SUMF1: variants seen among roughly 807,000 people sequenced by gnomAD.
SUMF1 encodes sulfatase modifying factor 1, also known as formylglycine-generating enzyme.
SUMF1 carries 48 observed loss-of-function variants against 47.6 expected under a neutral mutation model. That is an observed-to-expected ratio of 1.01 (90% CI 0.80 to 1.28). SUMF1 has a LOEUF of 1.28. SUMF1 is among the 50% of genes most tolerant of loss of function. The pLI, the probability that SUMF1 is intolerant of heterozygous loss-of-function variation, is 0.00. For synonymous variants in SUMF1, 230 were observed against 192.1 expected (o/e 1.20, Z -1.63); for missense variants, 571 against 485.4 (o/e 1.18, Z -1.66).
At position 4,043,067 on chromosome 3, in the gene SUMF1, C is replaced by T. The variant is rs150107256; in HGVS notation, c.1191+25502G>A. Among the ~76,000 whole-genome samples, 580 of 152,230 alleles carry T rather than the reference C, an allele frequency of 3.8e-3. 4 individuals carry two copies. Among genetic ancestry groups the T allele is most frequent in the South Asian group, 0.023 (113 of 4,818 alleles). On this transcript the variant is annotated intron_variant and NMD_transcript_variant, in intron 9 of 12. Coordinates refer to the SUMF1 transcript ENST00000448413. The stretch of plus-strand genomic sequence containing the variant: ...TGGCAGGAGAGCAGAGTTGAGCATT[C>T]GTTCCCTGGCTCTCCCCCTGCCTCA...
intron 3 of SUMF1, among the ~76,000 whole-genome samples, chr3:4,424,506 C>G (rs907219668): frequency 6.6e-6 from 1 of 152,146 alleles, no homozygotes; most frequent in African/African-American, 2.4e-5. Flanking sequence ...AAGGCCGCAA[C>G]CTAGTGTTTT....
chr3:4,197,899 G>A (rs1374223149), intron 8 of SUMF1, among the ~76,000 whole-genome samples: 2 of 152,082 alleles, frequency 1.3e-5, no homozygotes, highest in Non-Finnish European at 2.9e-5. Context: ...AATCAAAGCA[G>A]CATATGGCTC....
chr3:4,179,524 C>A (rs1017687706), intron 8 of SUMF1, among the ~76,000 whole-genome samples: 1 of 152,030 alleles, frequency 6.6e-6, no homozygotes, highest in Admixed American at 6.6e-5. Flanking sequence ...ACACCTTATA[C>A]AAAAATTAAT....
intron 8 of SUMF1, among the ~76,000 whole-genome samples, chr3:4,337,001 C>T (rs1350344040): frequency 2.6e-5 from 4 of 152,214 alleles, no homozygotes; most frequent in Non-Finnish European, 5.9e-5. Flanking sequence ...AATTCCAACT[C>T]TACATGCTCT....
intron 8 of SUMF1, among the ~76,000 whole-genome samples, chr3:4,272,578 C>A (rs1453200563): frequency 6.6e-6 from 1 of 152,160 alleles, no homozygotes; most frequent in East Asian, 1.9e-4. Context: ...GCAGACCTTT[C>A]AGACCTGAGG....
chr3:4,110,258 T>C (rs572606796), intron 8 of SUMF1, among the ~76,000 whole-genome samples: 50 of 152,216 alleles, frequency 3.3e-4, no homozygotes, highest in African/African-American at 1.2e-3. Context: ...GAACAGCAGA[T>C]GTTGCTGCCT....
At chr3:4,049,732 A>C (rs983301998) in intron 9 of SUMF1, among the ~76,000 whole-genome samples, 1 of 152,096 alleles carries the variant, frequency 6.6e-6, no homozygotes, top group African/African-American at 2.4e-5. Context: ...TCTGTTAACC[A>C]GCTCAGTGAA....
intron 8 of SUMF1, among the ~76,000 whole-genome samples, chr3:4,165,716 G>C (rs1470300341): frequency 2.0e-5 from 3 of 151,942 alleles, no homozygotes; most frequent in Non-Finnish European, 4.4e-5. Flanking sequence ...AGACCATGGT[G>C]CAGAAAAAAA....
intron 8 of SUMF1, among the ~76,000 whole-genome samples, chr3:4,318,369 A>G (rs1037418612): frequency 1.3e-5 from 2 of 152,232 alleles, no homozygotes; most frequent in African/African-American, 4.8e-5. Context: ...TTCCATAGAC[A>G]CAAAGCATTT....
At chr3:4,093,915 A>C (rs1056530954) in intron 8 of SUMF1, among the ~76,000 whole-genome samples, 1 of 152,118 alleles carries the variant, frequency 6.6e-6, no homozygotes, top group African/African-American at 2.4e-5. Context: ...ATAAATATTA[A>C]AATTCTATAT....
rs547634562 is a variant in SUMF1, at chr3:4,083,556, A to G, written c.1015-14811T>C. On this transcript the variant is annotated intron_variant and NMD_transcript_variant, in intron 8 of 12. Coordinates refer to the SUMF1 transcript ENST00000448413. Reference sequence around the variant, plus strand: ...CTTGTTACTTTATCTAATTCCCCCAATATTCTGCTACCACTATCGTCCATT... The same window carrying G: ...CTTGTTACTTTATCTAATTCCCCCAGTATTCTGCTACCACTATCGTCCATT... Among the ~76,000 whole-genome samples the G allele has an allele frequency of 2.6e-5, 4 of 152,212 alleles. No homozygotes were observed. The South Asian group carries it at 6.2e-4, about 24-fold the overall frequency.
chr3:4,412,105 C>A (rs1168906766), intron 6 of SUMF1, among the ~76,000 whole-genome samples: 1 of 152,332 alleles, frequency 6.6e-6, no homozygotes, highest in South Asian at 2.1e-4. Flanking sequence ...ATTCTCACCA[C>A]ACTGCTTCCA....
intron 8 of SUMF1, among the ~76,000 whole-genome samples, chr3:4,348,336 A>T (rs1380428110): frequency 6.6e-6 from 1 of 152,188 alleles, no homozygotes; most frequent in Non-Finnish European, 1.5e-5. Context: ...AGACATATAG[A>T]CCAATGGAGC....
Position 4,343,125 on chromosome 3 carries a change from A to G in SUMF1, c.1014+33205T>C, listed in dbSNP as rs114292874. ...TCTAACACAAGCCAGGCCTAGGCCA[A>G]GGACCAGCTCTGAGGACTATAACAT... On this transcript the variant is annotated intron_variant and NMD_transcript_variant, in intron 8 of 12. Coordinates refer to the SUMF1 transcript ENST00000448413. Among the ~76,000 whole-genome samples the G allele has an allele frequency of 4.8e-3, 735 of 152,352 alleles. 7 individuals carry two copies. The highest frequency in any genetic ancestry group is 0.017 in the African/African-American group (709 of 41,584).
At chr3:4,441,852 A>G (rs1463021373) in intron 3 of SUMF1, among the ~76,000 whole-genome samples, 1 of 152,236 alleles carries the variant, frequency 6.6e-6, no homozygotes, top group African/African-American at 2.4e-5. Context: ...GCATCAGCAA[A>G]GCTTTTGAAT....
chr3:4,052,580 T>G (rs1168659672), intron 9 of SUMF1, among the ~76,000 whole-genome samples: 1 of 152,160 alleles, frequency 6.6e-6, no homozygotes, highest in African/African-American at 2.4e-5. Flanking sequence ...TCAAATGCAA[T>G]ATTCCCGGAC....
intron 8 of SUMF1, among the ~76,000 whole-genome samples, chr3:4,268,253 G>T (rs942729463): frequency 1.3e-5 from 2 of 151,996 alleles, no homozygotes; most frequent in Non-Finnish European, 2.9e-5. Context: ...GGGGGAGAGG[G>T]GAGGGATAGC....
chr3:4,386,984 T>C (rs1700696015), intron 7 of SUMF1, among the ~76,000 whole-genome samples: 1 of 152,050 alleles, frequency 6.6e-6, no homozygotes, highest in South Asian at 2.1e-4. Flanking sequence ...AATACACTGA[T>C]GAATTCTATT....
At chr3:4,167,293 C>T (rs1574944344) in intron 8 of SUMF1, among the ~76,000 whole-genome samples, 2 of 152,130 alleles carry the variant, frequency 1.3e-5, no homozygotes, top group Non-Finnish European at 2.9e-5. Flanking sequence ...GGGTGGCCAG[C>T]TTTTATTCCC....
Sources: gnomAD v4.1 joint callset for allele counts (sites outside exome capture counted in the v4.1 genomes callset) on GRCh38, gnomAD v4.1.1 for gene constraint, MANE v1.5 for transcripts, NCBI Gene and HGNC (gene_info 2026-07-23, HGNC 2026-07-21) for gene names.